The following TMA16 variants were observed in gnomAD, a reference collection of about 807,000 sequenced individuals.
The protein encoded by TMA16 is translation machinery associated 16 homolog.
Under a neutral mutation model 27.1 loss-of-function variants are expected in TMA16, and 26 were observed. That is an observed-to-expected ratio of 0.96 (90% CI 0.70 to 1.33). TMA16 has a LOEUF of 1.33. Among genes scored for constraint, TMA16 ranks in the 40% most tolerant of loss-of-function variants. The probability of loss-of-function intolerance (pLI) is 0.00; values close to 1 mark genes in which losing one functional copy is unlikely to be tolerated. For synonymous variants in TMA16, 71 were observed against 81.9 expected, an observed-to-expected ratio of 0.87 and a Z score of 0.72; for missense variants, 233 against 241.4, an observed-to-expected ratio of 0.97 and a Z score of 0.23.
chr4:163,520,060 A>G lies in TMA16; in HGVS notation c.*546A>G. On this transcript the variant is annotated 3_prime_UTR_variant, in exon 7 of 7. Coordinates refer to ENST00000358572, the MANE Select transcript of TMA16 (RefSeq NM_018352.3). Reference sequence around the variant, plus strand: ...TATTTATCTTTTGAACCAGAGCTAAATGGTAAAAGAAAAAAAATCAGTGAT... The same window carrying G: ...TATTTATCTTTTGAACCAGAGCTAAGTGGTAAAAGAAAAAAAATCAGTGAT... 1 of 581,812 alleles carries G rather than the reference A, an allele frequency of 1.7e-6. No homozygotes were observed. The highest frequency in any genetic ancestry group is 3.1e-6 in the Non-Finnish European group (1 of 323,018). 36.0% of individuals were successfully genotyped at this position (581,812 alleles called of 1,614,324 possible).
At chr4:163,502,340 A>G (rs1287907674) in intron 1 of TMA16, among the ~76,000 whole-genome samples, 2 of 152,186 alleles carry the variant, frequency 1.3e-5, no homozygotes, top group East Asian at 1.9e-4. Flanking sequence ...TTTTTAATTC[A>G]TAGTAGCCCA....
intron 1 of TMA16, among the ~76,000 whole-genome samples, chr4:163,495,313 TGAGTA>T (rs972156487): frequency 6.6e-6 from 1 of 152,236 alleles, no homozygotes; most frequent in African/African-American, 2.4e-5. Context: ...TATTAAAAAC[TGAGTA>T]GATACAAAAG....
At chr4:163,511,615 A>G (rs1737798830) in intron 2 of TMA16, among the ~76,000 whole-genome samples, 1 of 151,488 alleles carries the variant, frequency 6.6e-6, no homozygotes, top group East Asian at 1.9e-4. Flanking sequence ...GTTTGAGACG[A>G]GCCTGGGTGA....
rs1469581978 is a variant in TMA16, at chr4:163,494,813, C to T, written c.3+9C>T. The stretch of plus-strand genomic sequence containing the variant: ...ACGAGGACGTCACCATGGTGGGCCC[C>T]CTCCTGCTCCCCCGAACCGCTCGGT... On this transcript the variant is annotated intron_variant, in intron 1 of 6. Coordinates refer to ENST00000358572, the MANE Select transcript of TMA16 (RefSeq NM_018352.3). The T allele has an allele frequency of 6.2e-7, 1 of 1,611,868 alleles. No homozygotes were observed. Among genetic ancestry groups the T allele is most frequent in the South Asian group, 1.1e-5 (1 of 91,082 alleles).
intron 1 of TMA16, among the ~76,000 whole-genome samples, chr4:163,498,783 G>T (rs1214605431): frequency 6.6e-6 from 1 of 152,166 alleles, no homozygotes; most frequent in South Asian, 2.1e-4. Context: ...TGTCTCCCCA[G>T]TAGCCAAGAT....
chr4:163,494,981 C>T, intron 1 of TMA16, 177 bp downstream of exon 1: 1 of 890,268 alleles, frequency 1.1e-6, no homozygotes, highest in East Asian at 2.6e-5. Context: ...AGTCCCAGGC[C>T]CAACGCCTGG....
chr4:163,499,616 G>A (rs1737616240), intron 1 of TMA16, among the ~76,000 whole-genome samples: 1 of 151,990 alleles, frequency 6.6e-6, no homozygotes, highest in South Asian at 2.1e-4. Context: ...AAATGGTGTC[G>A]TTTTTGCGTG....
rs865845244 is a variant in TMA16, at chr4:163,515,458, C to G, written c.385C>G (p.Leu129Val). Reference protein sequence around the residue: ...RERQQFEGYGLEIPDILNASN... With the variant: ...RERQQFEGYGVEIPDILNASN... ...GCGACAGCAGTTTGAGGGATATGGC[C>G]TTGGTGTGCTCACTGATTTTTTATT... The change falls in exon 5 of 7, where the codon CTT becomes GTT. Residue 129 changes from leucine to valine, a missense_variant. Physicochemically the swap from Leu to Val is conservative, Grantham distance 32. Transcript: ENST00000358572. 5 of 1,609,734 alleles carry G rather than the reference C, an allele frequency of 3.1e-6. No homozygotes were observed. The Middle Eastern group carries it at 5.0e-4, about 160-fold the overall frequency.
At position 163,519,502 on chromosome 4, in the gene TMA16, T is replaced by C; in HGVS notation, c.600T>C (p.Thr200=). The C allele has an allele frequency of 6.3e-7, 1 of 1,589,608 alleles. No individual in the cohort carries two copies. Among genetic ancestry groups the C allele is most frequent in the Non-Finnish European group, 8.5e-7 (1 of 1,172,162 alleles). Reference sequence around the variant, plus strand: ...CAAGTGATTCAGATGAGGAAATGACTGCAGTGGCCTAATTGTCTTCACTTG... The same window carrying C: ...CAAGTGATTCAGATGAGGAAATGACCGCAGTGGCCTAATTGTCTTCACTTG... The part of the protein sequence containing the change: ...DESSDSDEEM[T]AVA Residue 200 remains threonine (T), a synonymous_variant, in exon 7 of 7, where the codon ACT becomes ACC. Coordinates refer to ENST00000358572, the MANE Select transcript of TMA16 (RefSeq NM_018352.3).
intron 1 of TMA16, among the ~76,000 whole-genome samples, chr4:163,496,367 T>C (rs980020753): frequency 6.6e-6 from 1 of 152,230 alleles, no homozygotes; most frequent in Non-Finnish European, 1.5e-5. Flanking sequence ...GTAAATGTTA[T>C]TGTTATTAAC....
At chr4:163,501,959 A>C (rs1737655622) in intron 1 of TMA16, among the ~76,000 whole-genome samples, 1 of 152,198 alleles carries the variant, frequency 6.6e-6, no homozygotes, top group Non-Finnish European at 1.5e-5. Flanking sequence ...TGAGAAAACT[A>C]GATTGTAAAC....
At position 163,512,862 on chromosome 4, in the gene TMA16, A is replaced by G; in HGVS notation, c.154+3A>G. The G allele has an allele frequency of 1.9e-6, 3 of 1,605,972 alleles. No homozygotes were observed. The highest frequency in any genetic ancestry group is 2.2e-5 in the South Asian group (2 of 89,782). The stretch of plus-strand genomic sequence containing the variant: ...GGCCTTGCGTCTCAACCTTGTTGGT[A>G]AGTGGGTTTACTTATTTGAAACTCT... On this transcript the variant is annotated splice_donor_region_variant and intron_variant, in intron 3 of 6. Transcript: ENST00000358572.
intron 1 of TMA16, 44 bp from the exon 2 acceptor site, chr4:163,506,989 T>C: frequency 1.4e-6 from 2 of 1,462,092 alleles, no homozygotes; most frequent in African/African-American, 1.4e-5. Flanking sequence ...CTGAAGGCAC[T>C]TACATATCTG....
At chr4:163,508,447 AAGG>A (rs753927481) in intron 2 of TMA16, among the ~76,000 whole-genome samples, 8 of 152,152 alleles carry the variant, frequency 5.3e-5, no homozygotes, top group Non-Finnish European at 1.2e-4. Context: ...ATTTTTTAAA[AAGG>A]AGATATTTTT....
intron 5 of TMA16, 109 bp downstream of exon 5, chr4:163,515,570 C>T: frequency 7.4e-7 from 1 of 1,350,236 alleles, no homozygotes; most frequent in South Asian, 1.7e-5. Flanking sequence ...TGATTTTCTT[C>T]CTTTGATGTC....
intron 6 of TMA16, among the ~76,000 whole-genome samples, chr4:163,517,842 G>A (rs1439311752): frequency 1.3e-5 from 2 of 152,104 alleles, no homozygotes; most frequent in Non-Finnish European, 2.9e-5. Flanking sequence ...AGCCTCTTTT[G>A]CAGAGAAGAT....
chr4:163,508,599 G>A (rs980622537), intron 2 of TMA16, among the ~76,000 whole-genome samples: 1 of 152,140 alleles, frequency 6.6e-6, no homozygotes, highest in African/African-American at 2.4e-5. Flanking sequence ...TGTCCTTAAT[G>A]TAAAGTGAAA....
At chr4:163,511,760 G>A (rs1287313094) in intron 2 of TMA16, among the ~76,000 whole-genome samples, 1 of 152,066 alleles carries the variant, frequency 6.6e-6, no homozygotes, top group Non-Finnish European at 1.5e-5. Flanking sequence ...AGGAGTTTGA[G>A]GCTGTGGTGA....
At chr4:163,512,130 G>A (rs2110806956) in intron 2 of TMA16, among the ~76,000 whole-genome samples, 1 of 151,630 alleles carries the variant, frequency 6.6e-6, no homozygotes, top group South Asian at 2.1e-4. Flanking sequence ...TTTTAAATAT[G>A]CTTTTATAGC....
Sources: allele counts gnomAD v4.1 joint callset (sites outside exome capture counted in the v4.1 genomes callset), GRCh38; gene constraint gnomAD v4.1.1; transcripts MANE v1.5; gene names NCBI Gene and HGNC (gene_info 2026-07-23, HGNC 2026-07-21).